Variants in HUNK observed in about 807,000 individuals in gnomAD.
The protein encoded by HUNK is hormonally up-regulated Neu-associated kinase.
A neutral mutation model predicts 61.0 loss-of-function variants in HUNK; 21 were observed. The observed-to-expected ratio is 0.34, with a 90% confidence interval of 0.24 to 0.50. HUNK has a LOEUF of 0.50. Ranked by LOEUF, HUNK falls within the 20% of genes least tolerant of loss-of-function variation. The pLI, the probability that HUNK is intolerant of heterozygous loss-of-function variation, is 0.98. For synonymous variants in HUNK, 371 were observed against 386.1 expected (o/e 0.96, Z 0.46); for missense variants, 772 against 945.7 (o/e 0.82, Z 2.41).
At chr21:31,966,890 A>G (rs2052970689) in intron 5 of HUNK, among the ~76,000 whole-genome samples, 1 of 152,218 alleles carries the variant, frequency 6.6e-6, no homozygotes, top group African/African-American at 2.4e-5. Flanking sequence ...TTGCAAAAAC[A>G]TTACCGCAAT....
At chr21:31,990,613 G>A (rs901760224) in intron 9 of HUNK, among the ~76,000 whole-genome samples, 3 of 151,594 alleles carry the variant, frequency 2.0e-5, no homozygotes, top group Non-Finnish European at 2.9e-5. Flanking sequence ...TTGGCTCACT[G>A]CAACCTCCAC....
intron 8 of HUNK, among the ~76,000 whole-genome samples, chr21:31,987,668 A>G (rs2833592): frequency 0.18 from 27,415 of 152,262 alleles, 2,820 homozygotes; most frequent in South Asian, 0.33. Context: ...TCAATTTTCT[A>G]TGATCCATTT....
intron 2 of HUNK, among the ~76,000 whole-genome samples, chr21:31,929,172 G>C (rs2186309): frequency 0.29 from 44,074 of 151,612 alleles, 8,490 homozygotes; most frequent in African/African-American, 0.55. Flanking sequence ...GGCATTAAAT[G>C]GAAATATTTA....
Position 31,974,555 on chromosome 21 carries a change from GA to G in HUNK, c.1012del (p.Ile338PhefsTer6). The G allele has an allele frequency of 6.2e-7, 1 of 1,612,542 alleles. No homozygotes were observed. The highest frequency in any genetic ancestry group is 8.5e-7 in the Non-Finnish European group (1 of 1,179,278). ...VPCNVTYPNRISLEDLSPSVV... is the reference protein window; with the variant it reads ...VPCNVTYPNRXSLEDLSPSVV... ...GGTCCTCTCTCTCTGCACCTCGCAG[GA>G]TTTCTCTGGAAGATCTGAGCCCGAG... On this transcript the variant is annotated frameshift_variant and splice_region_variant, in exon 7 of 11. Transcript: ENST00000270112. LOFTEE classifies it high-confidence loss of function.
At chr21:31,949,224 G>C (rs1459960014) in intron 4 of HUNK, among the ~76,000 whole-genome samples, 1 of 152,214 alleles carries the variant, frequency 6.6e-6, no homozygotes, top group Non-Finnish European at 1.5e-5. Flanking sequence ...GACGGGCCCA[G>C]GTGGGCTGGG....
Position 31,924,573 on chromosome 21 carries a change from A to G in HUNK, c.367A>G (p.Ile123Val). The G allele has an allele frequency of 1.2e-6, 2 of 1,614,192 alleles. No homozygotes were observed. Among genetic ancestry groups the G allele is most frequent in the Non-Finnish European group, 8.5e-7 (1 of 1,180,026 alleles). The change falls in exon 2 of 11, where the codon ATC becomes GTC. Residue 123 changes from isoleucine (I) to valine (V), a missense_variant. By Grantham distance (29) the Ile-to-Val change is conservative. This residue lies in a region of HUNK where 359 missense variants were observed against 501.3 expected (regional missense o/e 0.72). Coordinates refer to ENST00000270112, the MANE Select transcript of HUNK (RefSeq NM_014586.2). This position sits in a 1 kb window ranked among gnomAD's most constrained non-coding sequence, Gnocchi z 5.1. ...QIQQMIRHPN[I>V]TQLLDILETE... ...CCAGCAGATGATCCGCCACCCCAAT[A>G]TCACTCAGCTCCTTGATATTTTAGA...
chr21:31,874,001 G>A, intron 1 of HUNK, 66 bp downstream of exon 1: 2 of 1,275,910 alleles, frequency 1.6e-6, no homozygotes, highest in Admixed American at 2.7e-5. Context: ...GACCCCGCGG[G>A]GAGCACTGCA....
At position 31,892,176 on chromosome 21, in the gene HUNK, TATATAGAGAG is replaced by T. The variant is rs1183698760; in HGVS notation, c.261+18243_261+18252del. Among the ~76,000 whole-genome samples the T allele has an allele frequency of 3.2e-3, 372 of 116,408 alleles. 2 individuals are homozygous for T. Among genetic ancestry groups the T allele is most frequent in the South Asian group, 7.2e-3 (27 of 3,732 alleles). 76.4% of individuals were successfully genotyped at this position (116,408 alleles called of 152,430 possible). ...AAAAAAAAAAAAATATATATATATA[TATATAGAGAG>T]AGAGAGAGAGAGAGAGAGAGAGAGT... On this transcript the variant is annotated intron_variant, in intron 1 of 10. Coordinates refer to ENST00000270112, the MANE Select transcript of HUNK (RefSeq NM_014586.2).
chr21:31,927,620 G>T (rs1207423130), intron 2 of HUNK, among the ~76,000 whole-genome samples: 7 of 151,738 alleles, frequency 4.6e-5, no homozygotes, highest in Non-Finnish European at 1.0e-4. Context: ...CTCCAGCCTG[G>T]ACAACAGAGC....
At position 31,946,150 on chromosome 21, in the gene HUNK, C is replaced by T; in HGVS notation, c.725C>T (p.Pro242Leu). ...PELLARKKYG[P>L]KIDVWSIGVN... The stretch of plus-strand genomic sequence containing the variant: ...CTGCTCGCCAGGAAGAAATACGGCC[C>T]CAAAATCGATGTCTGGTCCATGTGA... Residue 242 changes from proline (P) to leucine (L), a missense_variant, in exon 4 of 11, where the codon CCC becomes CTC. By Grantham distance (98) the Pro-to-Leu change is moderately conservative. Around this residue, in one of 2 missense-constraint regions of HUNK, gnomAD observed 359 missense variants for 501.3 expected, o/e 0.72. Transcript: ENST00000270112. The T allele has an allele frequency of 6.2e-7, 1 of 1,612,870 alleles. No homozygotes were observed.
chr21:31,900,036 A>G (rs1439527881), intron 1 of HUNK, among the ~76,000 whole-genome samples: 1 of 151,800 alleles, frequency 6.6e-6, no homozygotes, highest in Non-Finnish European at 1.5e-5. Flanking sequence ...TGGGCTCCCA[A>G]AGTGCTGGGA....
At position 31,952,754 on chromosome 21, in the gene HUNK, C is replaced by A. The variant is rs1360029093; in HGVS notation, c.747-6089C>A. Among the ~76,000 whole-genome samples the A allele has an allele frequency of 4.9e-5, 6 of 121,692 alleles. No individual in the cohort carries two copies. In the Admixed American group the frequency reaches 6.2e-4, roughly 13 times the overall value. 79.8% of individuals were successfully genotyped at this position (121,692 alleles called of 152,430 possible). A position where few individuals can be genotyped will look rare whatever the true frequency, so the allele number is the denominator to read the frequency against. ...CCCCCACCCAGTGTCTGCCTTTCTTCCTCTTTTGAGATCAGAGTATTCTAT... is the reference window on the plus strand; with the variant it reads ...CCCCCACCCAGTGTCTGCCTTTCTTACTCTTTTGAGATCAGAGTATTCTAT... On this transcript the variant is annotated intron_variant, in intron 4 of 10. Coordinates refer to ENST00000270112, the MANE Select transcript of HUNK (RefSeq NM_014586.2).
chr21:32,001,269 C>T lies in HUNK; in HGVS notation c.*2085C>T, dbSNP rs1358895121. On this transcript the variant is annotated 3_prime_UTR_variant, in exon 11 of 11. Transcript: ENST00000270112. ...CCAGCTTAGGTGGCAAAGTGAGACC[C>T]TGTCTCCAAAAAAAGAAAATAGAGC... The T allele has an allele frequency of 1.3e-5, 2 of 152,222 alleles. No homozygotes were observed. The highest frequency in any genetic ancestry group is 2.9e-5 in the Non-Finnish European group (2 of 68,158). The allele number at this position is 152,222 out of a possible 1,614,324, so 9.4% of individuals were successfully genotyped here.
chr21:31,880,619 G>T (rs553530953), intron 1 of HUNK, among the ~76,000 whole-genome samples: 4 of 152,260 alleles, frequency 2.6e-5, no homozygotes, highest in Non-Finnish European at 5.9e-5. Flanking sequence ...ATGGGATGTA[G>T]GTCTACCCTA....
chr21:31,888,491 C>G (rs2052364057), intron 1 of HUNK, among the ~76,000 whole-genome samples: 1 of 152,138 alleles, frequency 6.6e-6, no homozygotes, highest in African/African-American at 2.4e-5. Flanking sequence ...ATTCCCAGCA[C>G]TTTGGGAGGC....
intron 5 of HUNK, among the ~76,000 whole-genome samples, chr21:31,961,339 T>C (rs1188740492): frequency 6.6e-6 from 1 of 152,198 alleles, no homozygotes. Flanking sequence ...GGGGCTATCA[T>C]GAATAAAGAT....
At chr21:31,941,453 C>T (rs1257332470) in intron 3 of HUNK, among the ~76,000 whole-genome samples, 3 of 151,762 alleles carry the variant, frequency 2.0e-5, no homozygotes, top group African/African-American at 7.3e-5. Flanking sequence ...ATTACAGGCA[C>T]CCAGCACCAC....
intron 5 of HUNK, among the ~76,000 whole-genome samples, chr21:31,965,703 G>A (rs1456949373): frequency 6.7e-6 from 1 of 149,902 alleles, no homozygotes; most frequent in Non-Finnish European, 1.5e-5. Flanking sequence ...CTGAGTTCAA[G>A]CAATTCTACC....
rs184706666 is a variant in HUNK at position 31,998,552 on chromosome 21, C to T, written c.1513C>T (p.Arg505Cys). The T allele has an allele frequency of 2.7e-5, 43 of 1,596,394 alleles. No individual in the cohort carries two copies. The highest frequency in any genetic ancestry group is 1.8e-4 in the African/African-American group (13 of 73,882). The change falls in exon 11 of 11, where the codon CGC becomes TGC. Residue 505 changes from arginine to cysteine, a missense_variant. Physicochemically the swap from Arg to Cys is radical, Grantham distance 180 (BLOSUM62 -3). Around this residue, in one of 2 missense-constraint regions of HUNK, gnomAD observed 413 missense variants for 444.4 expected, o/e 0.93. Coordinates refer to ENST00000270112, the MANE Select transcript of HUNK (RefSeq NM_014586.2). ...KDSFGCRNIF[R>C]KTSDSNCVAS... The stretch of plus-strand genomic sequence containing the variant: ...TTCCTTTGGCTGCCGCAATATTTTC[C>T]GCAAAACCTCAGATTCCAATTGTGT...
Sources: allele counts gnomAD v4.1 joint callset (sites outside exome capture counted in the v4.1 genomes callset), GRCh38; gene constraint gnomAD v4.1.1; regional missense constraint gnomAD v4.1.1; non-coding constraint Gnocchi (gnomAD v3.1); transcripts MANE v1.5; gene names NCBI Gene and HGNC (gene_info 2026-07-23, HGNC 2026-07-21).